Variants in CFAP69 observed in about 807,000 individuals in gnomAD.
CFAP69 encodes the protein cilia and flagella associated protein 69.
Under a neutral mutation model 123.0 loss-of-function variants are expected in CFAP69, and 92 were observed. That is an observed-to-expected ratio of 0.75 (90% CI 0.63 to 0.89). CFAP69 has a LOEUF of 0.89. Ranked by LOEUF, CFAP69 falls within the 40% of genes least tolerant of loss-of-function variation. CFAP69 has a pLI of 0.00. For synonymous variants in CFAP69, 380 were observed against 364.3 expected (o/e 1.04, Z -0.49); for missense variants, 1,067 against 1,096.9 (o/e 0.97, Z 0.39).
intron 21 of CFAP69, among the ~76,000 whole-genome samples, chr7:90,308,718 TA>T (rs752471654): frequency 6.6e-6 from 1 of 152,298 alleles, no homozygotes; most frequent in East Asian, 1.9e-4. Flanking sequence ...TTTTTAGCAC[TA>T]GTTAATGAAA....
chr7:90,321,565 G>A, the CFAP69 span, among the ~76,000 whole-genome samples: 44 of 152,250 alleles, frequency 2.9e-4, no homozygotes, highest in African/African-American at 8.9e-4. Context: ...TAGCTGAGAA[G>A]ATCCATCTCG....
intron 1 of CFAP69, among the ~76,000 whole-genome samples, chr7:90,247,865 A>C (rs906579194): frequency 6.6e-6 from 1 of 152,176 alleles, no homozygotes; most frequent in Non-Finnish European, 1.5e-5. Context: ...ACAAAACAAA[A>C]CAAAAAGAAA....
intron 1 of CFAP69, among the ~76,000 whole-genome samples, chr7:90,251,099 T>C (rs951003441): frequency 1.6e-4 from 24 of 152,272 alleles, no homozygotes; most frequent in African/African-American, 5.5e-4. Flanking sequence ...GATGATCTTT[T>C]CATAATTAAA....
At position 90,307,809 on chromosome 7, in the gene CFAP69, A is replaced by G; in HGVS notation, c.2505A>G (p.Ser835=). The G allele has an allele frequency of 6.2e-7, 1 of 1,612,410 alleles. No homozygotes were observed. Among genetic ancestry groups the G allele is most frequent in the East Asian group, 2.2e-5 (1 of 44,794 alleles). The change falls in exon 21 of 23, where the codon TCA becomes TCG. Residue 835 remains serine, a synonymous_variant. Coordinates refer to ENST00000389297, the MANE Select transcript of CFAP69 (RefSeq NM_001039706.3). ...AGCAAAGAGAGCTGGCTAATAAATC[A>G]TGGGAAGATTTCTTGGCTAGAACAT... ...THKQRELANK[S]WEDFLARTSN...
chr7:90,256,344 C>A (rs1797647853), intron 2 of CFAP69, among the ~76,000 whole-genome samples: 1 of 151,950 alleles, frequency 6.6e-6, no homozygotes, highest in African/African-American at 2.4e-5. Context: ...CACATGGACA[C>A]AGGGAGGGGA....
chr7:90,297,742 A>G lies in CFAP69; in HGVS notation c.1776-7A>G. ...TTGTCAAATGAATAACTTTCTTTTA[A>G]TTTAAGGTGCTGTATTTTGGGATGT... On this transcript the variant is annotated splice_region_variant and splice_polypyrimidine_tract_variant and intron_variant, in intron 15 of 22. Transcript: ENST00000389297. 6 of 1,546,632 alleles carry G rather than the reference A, an allele frequency of 3.9e-6. No individual in the cohort carries two copies. The highest frequency in any genetic ancestry group is 5.3e-6 in the Non-Finnish European group (6 of 1,140,876).
chr7:90,291,368 G>A (rs566540190), intron 15 of CFAP69, among the ~76,000 whole-genome samples: 2 of 152,274 alleles, frequency 1.3e-5, no homozygotes, highest in South Asian at 4.1e-4. Context: ...AGGACAAGCA[G>A]AGGTTATTTG....
At chr7:90,286,194 C>A in intron 13 of CFAP69, 87 bp from the exon 14 acceptor site, 1 of 1,162,350 alleles carries the variant, frequency 8.6e-7, no homozygotes, top group Non-Finnish European at 1.2e-6. Context: ...GCCAAATAAA[C>A]TTTTTAGAAG....
intron 8 of CFAP69, 112 bp from the exon 9 acceptor site, chr7:90,273,875 C>T: frequency 1.3e-6 from 1 of 783,074 alleles, no homozygotes; most frequent in Non-Finnish European, 1.9e-6. Context: ...CCTAAGGCCT[C>T]ACTCCTAAAA....
At chr7:90,255,234 G>A (rs1288079575) in intron 1 of CFAP69, among the ~76,000 whole-genome samples, 189 bp from the exon 2 acceptor site, 1 of 152,168 alleles carries the variant, frequency 6.6e-6, no homozygotes, top group Non-Finnish European at 1.5e-5. Flanking sequence ...GAATTCAGGA[G>A]GGGTTTTTTA....
intron 15 of CFAP69, among the ~76,000 whole-genome samples, chr7:90,296,061 C>T (rs571316299): frequency 2.0e-4 from 31 of 152,250 alleles, no homozygotes; most frequent in African/African-American, 3.6e-4. Flanking sequence ...TGACTTCGAG[C>T]GCCTTAACCT....
At chr7:90,289,632 G>A (rs1378769657) in intron 15 of CFAP69, among the ~76,000 whole-genome samples, 4 of 151,946 alleles carry the variant, frequency 2.6e-5, no homozygotes, top group Non-Finnish European at 5.9e-5. Flanking sequence ...TTTCAGTGTG[G>A]TCCAATTTAC....
intron 1 of CFAP69, among the ~76,000 whole-genome samples, chr7:90,246,801 G>A (rs1161962836): frequency 2.0e-5 from 3 of 151,092 alleles, no homozygotes; most frequent in African/African-American, 7.3e-5. Context: ...CGTTATACAA[G>A]GCAAGCAAGC....
intron 2 of CFAP69, among the ~76,000 whole-genome samples, chr7:90,257,168 T>A (rs1425561911): frequency 6.6e-6 from 1 of 152,348 alleles, no homozygotes; most frequent in South Asian, 2.1e-4. Flanking sequence ...GTATATATGG[T>A]ACCCATGTGG....
At chr7:90,255,262 T>C (rs915715832) in intron 1 of CFAP69, among the ~76,000 whole-genome samples, 161 bp from the exon 2 acceptor site, 1 of 152,232 alleles carries the variant, frequency 6.6e-6, no homozygotes, top group Non-Finnish European at 1.5e-5. Context: ...ATCTATTTAT[T>C]CCTGTGAGTT....
chr7:90,252,789 T>C (rs909738822), intron 1 of CFAP69, among the ~76,000 whole-genome samples: 1 of 152,194 alleles, frequency 6.6e-6, no homozygotes, highest in East Asian at 1.9e-4. Context: ...GACATCTCAG[T>C]TAGGATTAAT....
chr7:90,262,309 G>T (rs1299648836), intron 4 of CFAP69, among the ~76,000 whole-genome samples: 1 of 152,142 alleles, frequency 6.6e-6, no homozygotes, highest in African/African-American at 2.4e-5. Context: ...TGAAGTAAAT[G>T]CTAAATATTA....
chr7:90,303,691 T>G, intron 17 of CFAP69: 1 of 995,834 alleles, frequency 1.0e-6, no homozygotes, highest in Non-Finnish European at 1.2e-6. Context: ...ATTTTTTAAA[T>G]TATTTACATA....
At chr7:90,297,621 C>T (rs986352926) in intron 15 of CFAP69, 128 bp from the exon 16 acceptor site, 17 of 560,146 alleles carry the variant, frequency 3.0e-5, no homozygotes, top group Non-Finnish European at 4.3e-5. Flanking sequence ...TAGGTAAAAA[C>T]ATTAGCTACT....
Sources: allele counts gnomAD v4.1 joint callset (sites outside exome capture counted in the v4.1 genomes callset), GRCh38; gene constraint gnomAD v4.1.1; transcripts MANE v1.5; gene names NCBI Gene and HGNC (gene_info 2026-07-23, HGNC 2026-07-21).